The following GSE1 variants were observed in gnomAD, a reference collection of about 807,000 sequenced individuals.
GSE1 encodes Gse1 coiled-coil protein, also known as genetic suppressor element 1.
GSE1 carries 32 observed loss-of-function variants against 112.6 expected under a neutral mutation model. The ratio of observed to expected loss-of-function variants is 0.28; its 90% CI spans 0.21 to 0.38. The LOEUF is 0.38. GSE1 is among the 10% of genes least tolerant of loss of function. The pLI is 1.00. For synonymous variants in GSE1, 1,115 were observed against 735.6 expected (o/e 1.52, Z -8.35); for missense variants, 2,348 against 1,699.2 (o/e 1.38, Z -6.71).
chr16:85,480,959 T>G (rs7193672), intron 2 of GSE1, among the ~76,000 whole-genome samples: 1 of 152,114 alleles, frequency 6.6e-6, no homozygotes, highest in Non-Finnish European at 1.5e-5. Flanking sequence ...CCGCAGGTCT[T>G]CCACCCCCTC....
chr16:85,313,724 G>C (rs953249596), intron 1 of GSE1, among the ~76,000 whole-genome samples: 1 of 152,218 alleles, frequency 6.6e-6, no homozygotes, highest in Non-Finnish European at 1.5e-5. Flanking sequence ...AGAGCTGTCC[G>C]GGAGCCTCTG....
Position 85,656,382 on chromosome 16 carries a change from C to CGGGCGG in GSE1, c.1030_1031insGGCGGG (p.Arg343_Glu344insGlyArg), listed in dbSNP as rs1567735957. ...AGGAGCTAAGGCGGGAGAGGGAGCG[C>CGGGCGG]GAGCGCGAGCGCGAGCGTGAGCGTG... is the stretch of plus-strand genomic sequence containing the variant. On this transcript the variant is annotated inframe_insertion, in exon 7 of 16. Coordinates refer to ENST00000253458, the MANE Select transcript of GSE1 (RefSeq NM_014615.5). 1 of 1,458,626 alleles carries CGGGCGG rather than the reference C, an allele frequency of 6.9e-7. No individual in the cohort carries two copies. Among genetic ancestry groups the CGGGCGG allele is most frequent in the Non-Finnish European group, 9.2e-7 (1 of 1,088,400 alleles). The allele number at this position is 1,458,626 out of a possible 1,614,324, so 90.4% of individuals were successfully genotyped here.
intron 1 of GSE1, among the ~76,000 whole-genome samples, chr16:85,310,915 G>C (rs2151481141): frequency 1.3e-5 from 2 of 152,250 alleles, no homozygotes; most frequent in East Asian, 1.9e-4. Flanking sequence ...GGGGATGGAG[G>C]GGGGCACCCA....
At chr16:85,638,654 C>T (rs1468281072) in intron 2 of GSE1, among the ~76,000 whole-genome samples, 11 of 148,830 alleles carry the variant, frequency 7.4e-5, no homozygotes, top group South Asian at 2.2e-4. Context: ...CTCCCACCCC[C>T]GCCTCCCCTT....
At chr16:85,290,839 C>T (rs1250958550) in intron 1 of GSE1, among the ~76,000 whole-genome samples, 3 of 152,218 alleles carry the variant, frequency 2.0e-5, no homozygotes, top group Non-Finnish European at 4.4e-5. Flanking sequence ...CTCAGCCTCA[C>T]CAGCTCGTGC....
intron 1 of GSE1, among the ~76,000 whole-genome samples, chr16:85,315,331 T>A (rs1023600570): frequency 6.6e-6 from 1 of 152,148 alleles, no homozygotes; most frequent in African/African-American, 2.4e-5. Context: ...GCACATCAGA[T>A]TGAAGGACGT....
intron 1 of GSE1, among the ~76,000 whole-genome samples, chr16:85,565,939 G>A (rs1174531736): frequency 2.6e-5 from 4 of 152,212 alleles, no homozygotes; most frequent in Admixed American, 6.5e-5. Context: ...AGGCTGCAGC[G>A]CTGCCTAAGC....
intron 1 of GSE1, among the ~76,000 whole-genome samples, chr16:85,274,637 C>T (rs1035047096): frequency 1.4e-4 from 21 of 152,202 alleles, no homozygotes; most frequent in Admixed American, 1.3e-4. Flanking sequence ...CAGCCTCCCA[C>T]GTGGGATGGG....
intron 2 of GSE1, among the ~76,000 whole-genome samples, chr16:85,399,330 C>T (rs930994033): frequency 2.6e-5 from 4 of 152,164 alleles, no homozygotes; most frequent in African/African-American, 4.8e-5. Flanking sequence ...GCCCTCTGCA[C>T]GTGGAAAGGT....
intron 1 of GSE1, among the ~76,000 whole-genome samples, chr16:85,204,149 C>G (rs1024067642): frequency 2.0e-5 from 3 of 152,234 alleles, no homozygotes; most frequent in Non-Finnish European, 2.9e-5. Flanking sequence ...CCCTCAGTCT[C>G]CAGCGATTGT....
chr16:85,445,154 A>G (rs1330894671), intron 2 of GSE1, among the ~76,000 whole-genome samples: 1 of 152,138 alleles, frequency 6.6e-6, no homozygotes, highest in Non-Finnish European at 1.5e-5. Context: ...GCCACCTGAG[A>G]CTGGGCATCG....
chr16:85,304,764 A>C (rs953789454), intron 1 of GSE1, among the ~76,000 whole-genome samples: 5 of 152,202 alleles, frequency 3.3e-5, no homozygotes, highest in African/African-American at 1.2e-4. Flanking sequence ...TCTCGACTTC[A>C]CTGGGGATAA....
At chr16:85,378,581 C>T (rs561343965) in intron 2 of GSE1, among the ~76,000 whole-genome samples, 1 of 152,340 alleles carries the variant, frequency 6.6e-6, no homozygotes, top group Non-Finnish European at 1.5e-5. Context: ...ACAGGGCAGC[C>T]CTGCTTGGCG....
chr16:85,422,368 GC>G (rs150646612), intron 2 of GSE1, among the ~76,000 whole-genome samples: 38,856 of 151,584 alleles, frequency 0.26, 5,558 homozygotes, highest in Non-Finnish European at 0.34. Context: ...GCTGGGCGGG[GC>G]GGGGGGGGGT....
intron 1 of GSE1, among the ~76,000 whole-genome samples, chr16:85,559,003 A>G (rs1444478651): frequency 1.3e-5 from 2 of 152,084 alleles, no homozygotes; most frequent in African/African-American, 4.8e-5. Context: ...TATTACAGAC[A>G]CCCACGACCA....
chr16:85,391,348 T>C (rs1469136988), intron 2 of GSE1, among the ~76,000 whole-genome samples: 2 of 152,270 alleles, frequency 1.3e-5, no homozygotes, highest in Non-Finnish European at 2.9e-5. Flanking sequence ...TGACTTGTGA[T>C]ATCTGTCCCC....
intron 1 of GSE1, among the ~76,000 whole-genome samples, chr16:85,177,239 T>G (rs963907120): frequency 6.6e-6 from 1 of 152,212 alleles, no homozygotes; most frequent in Admixed American, 6.5e-5. Context: ...CTCCTCTGCT[T>G]AGATCTCTCA....
chr16:85,265,326 C>T (rs1306604031), intron 1 of GSE1, among the ~76,000 whole-genome samples: 1 of 152,128 alleles, frequency 6.6e-6, no homozygotes, highest in Non-Finnish European at 1.5e-5. Flanking sequence ...AAGGAGTTGG[C>T]GGCCACCTCC....
chr16:85,209,591 C>T (rs1417608662), intron 1 of GSE1, among the ~76,000 whole-genome samples: 1 of 152,216 alleles, frequency 6.6e-6, no homozygotes. Flanking sequence ...ACGGCTTCTG[C>T]AGCACCGGCC....
Sources: allele counts gnomAD v4.1 joint callset (sites outside exome capture counted in the v4.1 genomes callset), GRCh38; gene constraint gnomAD v4.1.1; transcripts MANE v1.5; gene names NCBI Gene and HGNC (gene_info 2026-07-23, HGNC 2026-07-21).